The following GABRA5 variants were observed in gnomAD, a reference collection of about 807,000 sequenced individuals.
GABRA5 encodes the protein gamma-aminobutyric acid receptor subunit alpha-5.
In GABRA5, 18 loss-of-function variants were observed where a neutral mutation model predicts 47.3. The observed-to-expected ratio is 0.38, with a 90% CI of 0.26 to 0.56. GABRA5 has a LOEUF of 0.56. Ranked by LOEUF, GABRA5 falls within the 20% of genes least tolerant of loss-of-function variation. The pLI is 0.71. For missense variants in GABRA5, 365 were observed against 599.3 expected (o/e 0.61, Z 4.08); for synonymous variants, 237 against 229.3 (o/e 1.03, Z -0.30).
At chr15:26,909,331 T>C (rs1025699311) in intron 6 of GABRA5, among the ~76,000 whole-genome samples, 1 of 152,194 alleles carries the variant, frequency 6.6e-6, no homozygotes, top group African/African-American at 2.4e-5. Flanking sequence ...ACCTCCCATC[T>C]CTAAAGCTTT....
chr15:26,867,847 TG>T lies in GABRA5; in HGVS notation c.-140+738del. 6.6e-6 allele frequency: 1 copy of T among 152,124 alleles called. No homozygotes were observed. The highest frequency in any genetic ancestry group is 6.5e-5 in the Admixed American group (1 of 15,294). The allele number at this position is 152,124 out of a possible 1,614,324, so 9.4% of individuals were successfully genotyped here. On this transcript the variant is annotated intron_variant, in intron 1 of 10. Transcript: ENST00000335625. The surrounding 1 kb of genome is among the most constrained non-coding windows in gnomAD (Gnocchi z 5.9). ...GCGGGCTGCTCGAGGCCAGGGGACT[TG>T]GAGTCGCTGCTGCACCGCGCGCTCC...
chr15:26,901,830 A>C (rs1233464078), intron 6 of GABRA5, among the ~76,000 whole-genome samples: 2 of 152,164 alleles, frequency 1.3e-5, no homozygotes, highest in East Asian at 3.9e-4. Flanking sequence ...ATTCTTGTGA[A>C]GGGTATAAGG....
intron 10 of GABRA5, among the ~76,000 whole-genome samples, chr15:26,946,870 G>A (rs535979918): frequency 6.6e-6 from 1 of 152,250 alleles, no homozygotes; most frequent in East Asian, 1.9e-4. Context: ...GAAAGCCCAG[G>A]TGTCCATCGA....
At chr15:26,937,349 G>A (rs1310089951) in intron 8 of GABRA5, 21 bp downstream of exon 8, 3 of 1,584,274 alleles carry the variant, frequency 1.9e-6, no homozygotes, top group African/African-American at 1.3e-5. Flanking sequence ...GGCACGCGCT[G>A]TGCTGCCAGG....
At chr15:26,947,381 T>G (rs1376419565) in intron 10 of GABRA5, among the ~76,000 whole-genome samples, 1 of 151,992 alleles carries the variant, frequency 6.6e-6, no homozygotes. Context: ...CACCCCAATG[T>G]CTGTTGTTCC....
chr15:26,896,953 AC>A (rs2140275597), intron 6 of GABRA5, among the ~76,000 whole-genome samples: 1 of 14,306 alleles, frequency 7.0e-5, no homozygotes, highest in South Asian at 2.2e-3. Flanking sequence ...TCTACATCTT[AC>A]AGATGTAGAG....
Position 26,939,335 on chromosome 15 carries a change from C to T in GABRA5, c.725-590C>T, listed in dbSNP as rs34560927. ...AAATCCAGAGAAGGCACTGGGGCATCGCCAATGAAATGCCCCCGATTTCAA... is the reference window on the plus strand; with the variant it reads ...AAATCCAGAGAAGGCACTGGGGCATTGCCAATGAAATGCCCCCGATTTCAA... On this transcript the variant is annotated intron_variant, in intron 8 of 10. Transcript: ENST00000335625. The T allele has an allele frequency of 0.42, 323,984 of 765,000 alleles. 72,175 individuals are homozygous for T. Among genetic ancestry groups the T allele is most frequent in the Middle Eastern group, 0.55 (2,458 of 4,440 alleles). The allele number at this position is 765,000 out of a possible 1,614,324, so 47.4% of individuals were successfully genotyped here.
At chr15:26,877,058 A>G (rs999598225) in intron 3 of GABRA5, among the ~76,000 whole-genome samples, 1 of 152,184 alleles carries the variant, frequency 6.6e-6, no homozygotes, top group Non-Finnish European at 1.5e-5. Context: ...AGATTGAGGA[A>G]TACACTTCAG....
At chr15:26,946,787 T>C (rs1414400260) in intron 10 of GABRA5, among the ~76,000 whole-genome samples, 2 of 24,804 alleles carry the variant, frequency 8.1e-5, no homozygotes, top group Non-Finnish European at 1.6e-4. Context: ...GAATTTTATA[T>C]CCAAAAAAAA....
At chr15:26,892,535 A>G (rs1394377810) in intron 6 of GABRA5, among the ~76,000 whole-genome samples, 1 of 152,260 alleles carries the variant, frequency 6.6e-6, no homozygotes, top group Non-Finnish European at 1.5e-5. Flanking sequence ...TTATGCTACA[A>G]TCTTTTAACG....
chr15:26,944,405 G>C (rs909168462), intron 10 of GABRA5, among the ~76,000 whole-genome samples: 9 of 152,204 alleles, frequency 5.9e-5, no homozygotes, highest in Admixed American at 2.0e-4. Flanking sequence ...CCCCACTGTA[G>C]TTTCAGCATA....
At chr15:26,872,154 G>T (rs1892488359) in intron 3 of GABRA5, among the ~76,000 whole-genome samples, 1 of 152,228 alleles carries the variant, frequency 6.6e-6, no homozygotes, top group East Asian at 1.9e-4. Flanking sequence ...TTATCTAAAT[G>T]GACTTAAGAA....
At chr15:26,924,640 G>A (rs1341508729) in intron 7 of GABRA5, among the ~76,000 whole-genome samples, 1 of 152,174 alleles carries the variant, frequency 6.6e-6, no homozygotes. Flanking sequence ...AGTGGGTTGG[G>A]CACCTGGTGA....
chr15:26,948,022 C>G lies in GABRA5; in HGVS notation c.1178C>G (p.Thr393Ser). 1 of 1,604,330 alleles carries G rather than the reference C, an allele frequency of 6.2e-7. No homozygotes were observed. The change falls in exon 11 of 11, where the codon ACC (threonine) becomes AGC (serine). Residue 393 changes from threonine (T) to serine (S), a missense_variant. Physicochemically the swap from Thr to Ser is moderately conservative, Grantham distance 58 (BLOSUM62 1). Transcript: ENST00000335625. ...SHPPNIPKEQ[T>S]PAGTSNTTSV... The stretch of plus-strand genomic sequence containing the variant: ...CCCCCAAACATTCCGAAGGAACAGA[C>G]CCCAGCAGGGACGTCGAATACAACC...
chr15:26,883,519 G>A lies in GABRA5; in HGVS notation c.459G>A (p.Leu153=). ...ACATGACCACGCCCAACAAGCTGCT[G>A]CGGCTGGAGGACGACGGCACCCTGC... ...AHNMTTPNKL[L]RLEDDGTLLY... is the part of the protein sequence containing the mutation. The change falls in exon 6 of 11, where the codon CTG becomes CTA. Residue 153 remains leucine (L), a synonymous_variant. Transcript: ENST00000335625. The surrounding 1 kb of genome is among the most constrained non-coding windows in gnomAD (Gnocchi z 4.8). 1.2e-6 allele frequency: 2 copies of A among 1,612,276 alleles called. No individual in the cohort carries two copies. The highest frequency in any genetic ancestry group is 8.5e-7 in the Non-Finnish European group (1 of 1,179,352).
chr15:26,943,123 G>T, intron 9 of GABRA5, 92 bp from the exon 10 acceptor site: 1 of 808,466 alleles, frequency 1.2e-6, no homozygotes, highest in East Asian at 2.7e-5. Flanking sequence ...TCCCCTTTGT[G>T]TCTATCACTT....
rs1366453474 is a variant in GABRA5 at position 26,943,518 on chromosome 15, TCC to T, written c.1089+93_1089+94del. ...AAACATGAGACAAGGTGCTGCTCCT[TCC>T]TACCCGCCAGCCCCCGAATGCTCCT... On this transcript the variant is annotated intron_variant, in intron 10 of 10. Transcript: ENST00000335625. 9.1e-5 allele frequency: 106 copies of T among 1,168,880 alleles called. 1 individual carries two copies. In the South Asian group the frequency reaches 1.4e-3, roughly 15 times the overall value. 72.4% of individuals were successfully genotyped at this position (1,168,880 alleles called of 1,614,324 possible).
At chr15:26,946,024 C>A (rs1894501622) in intron 10 of GABRA5, among the ~76,000 whole-genome samples, 2 of 152,190 alleles carry the variant, frequency 1.3e-5, no homozygotes, top group South Asian at 4.1e-4. Context: ...ACTGCCATCG[C>A]ATTTCCGAGG....
At chr15:26,899,554 A>G (rs977389621) in intron 6 of GABRA5, among the ~76,000 whole-genome samples, 4 of 152,328 alleles carry the variant, frequency 2.6e-5, no homozygotes, top group African/African-American at 9.6e-5. Context: ...ATATTGCAGA[A>G]TAGTGTATTT....
Sources: allele counts gnomAD v4.1 joint callset (sites outside exome capture counted in the v4.1 genomes callset), GRCh38; gene constraint gnomAD v4.1.1; non-coding constraint Gnocchi (gnomAD v3.1); transcripts MANE v1.5; gene names NCBI Gene and HGNC (gene_info 2026-07-23, HGNC 2026-07-21).